Variants in RCC1 observed in about 807,000 individuals in gnomAD.
RCC1 encodes regulator of chromosome condensation 1.
Under a neutral mutation model 44.4 loss-of-function variants are expected in RCC1, and 11 were observed. The observed-to-expected ratio is 0.25, with a 90% confidence interval of 0.16 to 0.41. The LOEUF (loss-of-function observed/expected upper bound fraction) is 0.41, where lower values mean the gene tolerates loss of function less well. RCC1 is among the 10% of genes least tolerant of loss of function. RCC1 has a pLI of 1.00. For missense variants in RCC1, 386 were observed against 547.1 expected (o/e 0.71, Z 2.94); for synonymous variants, 213 against 216.5 (o/e 0.98, Z 0.14).
In RCC1 at chr1:28,532,792, G is replaced by A. The variant is rs1369717660; in HGVS notation, c.441+442G>A. On this transcript the variant is annotated intron_variant, in intron 7 of 12. Coordinates refer to ENST00000683442, the MANE Select transcript of RCC1 (RefSeq NM_001381865.2). ...AGTGTAGTTGAAAAAACAGATTGTG[G>A]GTTTTTGTTGTTGTTGTTGTTGTTG... The A allele has an allele frequency of 1.1e-5, 5 of 445,710 alleles. No homozygotes were observed. The East Asian group carries it at 2.1e-4, about 19-fold the overall frequency. The allele number at this position is 445,710 out of a possible 1,614,324, so 27.6% of individuals were successfully genotyped here. A position where few individuals can be genotyped will look rare whatever the true frequency, so the allele number is the denominator to read the frequency against.
chr1:28,518,773 G>A (rs944800900), intron 4 of RCC1: 4 of 151,982 alleles, frequency 2.6e-5, no homozygotes, highest in African/African-American at 9.7e-5. Flanking sequence ...GGAGCTCGAG[G>A]GTCTCCCGCT....
chr1:28,530,072 G>T lies in RCC1; in HGVS notation c.73+133G>T. 7 of 617,522 alleles carry T rather than the reference G, an allele frequency of 1.1e-5. No individual in the cohort carries two copies. In the South Asian group the frequency reaches 1.3e-4, roughly 12 times the overall value. The allele number at this position is 617,522 out of a possible 1,614,324, so 38.3% of individuals were successfully genotyped here. A position where few individuals can be genotyped will look rare whatever the true frequency, so the allele number is the denominator to read the frequency against. On this transcript the variant is annotated intron_variant, in intron 5 of 12. Coordinates refer to ENST00000683442, the MANE Select transcript of RCC1 (RefSeq NM_001381865.2). ...TGCAGAGACCCCACCCAGCTGGAAG[G>T]TTTCCTGTAGCTCATTGAATCCTAC...
intron 3 of RCC1, among the ~76,000 whole-genome samples, chr1:28,514,870 G>A (rs186394361): frequency 5.3e-3 from 809 of 151,882 alleles, no homozygotes; most frequent in Non-Finnish European, 6.5e-3. Context: ...GCGAGACTCC[G>A]TCTCGAAAAA....
At chr1:28,522,349 G>A (rs761200614) in intron 4 of RCC1, among the ~76,000 whole-genome samples, 5 of 152,132 alleles carry the variant, frequency 3.3e-5, no homozygotes, top group African/African-American at 1.2e-4. Context: ...GGGAAGAGAA[G>A]GGAGGATGTG....
chr1:28,511,689 TCTCA>T (rs1350768171), intron 3 of RCC1, among the ~76,000 whole-genome samples: 1 of 149,296 alleles, frequency 6.7e-6, no homozygotes, highest in Admixed American at 6.7e-5. Context: ...TGAGATCTAA[TCTCA>T]CTCTGTCTCC....
chr1:28,512,593 T>C (rs1311278481), intron 3 of RCC1, among the ~76,000 whole-genome samples: 1 of 152,190 alleles, frequency 6.6e-6, no homozygotes, highest in Non-Finnish European at 1.5e-5. Flanking sequence ...GCTGAGCTCA[T>C]TGATTGGAGA....
At chr1:28,518,474 C>G (rs1300453388) in intron 4 of RCC1, among the ~76,000 whole-genome samples, 1 of 150,604 alleles carries the variant, frequency 6.6e-6, no homozygotes, top group African/African-American at 2.4e-5. Flanking sequence ...AGGCGCGGTG[C>G]GGGCTCGCGA....
At chr1:28,507,815 C>G (rs1003191670) in intron 1 of RCC1, 3 of 333,242 alleles carry the variant, frequency 9.0e-6, no homozygotes, top group Non-Finnish European at 1.8e-5. Context: ...CCATGTTGGT[C>G]AGGCTGGTCT....
chr1:28,528,009 C>CAAAAA (rs56261878), intron 4 of RCC1, among the ~76,000 whole-genome samples: 14 of 97,608 alleles, frequency 1.4e-4, no homozygotes, highest in African/African-American at 4.8e-4. Context: ...AACTCTGCTT[C>CAAAAA]AAAAAAAAAA....
chr1:28,529,342 C>G (rs963333411), intron 4 of RCC1, among the ~76,000 whole-genome samples: 1 of 150,910 alleles, frequency 6.6e-6, no homozygotes, highest in African/African-American at 2.4e-5. Context: ...CATCACTGTG[C>G]CTGGCTAATT....
At chr1:28,534,863 G>A (rs375993179) in intron 7 of RCC1, among the ~76,000 whole-genome samples, 187 bp from the exon 8 acceptor site, 24 of 152,278 alleles carry the variant, frequency 1.6e-4, no homozygotes, top group African/African-American at 5.1e-4. Flanking sequence ...ATTTGCATCC[G>A]CTCTCTGACT....
intron 4 of RCC1, among the ~76,000 whole-genome samples, chr1:28,517,776 T>C (rs1485800056): frequency 1.3e-5 from 2 of 152,050 alleles, no homozygotes; most frequent in African/African-American, 4.8e-5. Context: ...TTCCCTGTCA[T>C]TGCAAACGTC....
chr1:28,506,464 C>T (rs967406366), intron 1 of RCC1: 9 of 321,654 alleles, frequency 2.8e-5, no homozygotes, highest in African/African-American at 9.0e-5. Flanking sequence ...GGATTACAGG[C>T]GTGAGCCACC....
chr1:28,517,492 TAAG>T (rs1475081932), intron 4 of RCC1, among the ~76,000 whole-genome samples: 2 of 152,200 alleles, frequency 1.3e-5, no homozygotes, highest in Admixed American at 6.6e-5. Context: ...TTGTAGCTCA[TAAG>T]AAGATGACTG....
At chr1:28,513,028 CT>C (rs1662660674) in intron 3 of RCC1, among the ~76,000 whole-genome samples, 1 of 151,652 alleles carries the variant, frequency 6.6e-6, no homozygotes, top group South Asian at 2.1e-4. Flanking sequence ...CCGCCTCGGC[CT>C]CCCAAAGTGC....
intron 3 of RCC1, among the ~76,000 whole-genome samples, chr1:28,513,832 A>C (rs1052445400): frequency 3.4e-5 from 5 of 148,778 alleles, no homozygotes; most frequent in African/African-American, 1.2e-4. Context: ...CAATCCTCCC[A>C]CCTTGGCCTC....
Position 28,536,351 on chromosome 1 carries a change from C to G in RCC1, c.907C>G (p.Gln303Glu). ...GTCCTGGGTGGGCTTCTCTGGTGGC[C>G]AGCACCATACAGTCTGCATGGATTC... ...TKSWVGFSGG[Q>E]HHTVCMDSEG... Residue 303 changes from glutamine to glutamate, a missense_variant, in exon 11 of 13, where the codon CAG (glutamine) becomes GAG (glutamate). By Grantham distance (29) the Gln-to-Glu change is conservative. Transcript: ENST00000683442. The surrounding 1 kb of genome is among the most constrained non-coding windows in gnomAD (Gnocchi z 4.9). The G allele has an allele frequency of 1.2e-6, 2 of 1,614,120 alleles. No individual in the cohort carries two copies. Among genetic ancestry groups the G allele is most frequent in the East Asian group, 4.5e-5 (2 of 44,870 alleles).
At chr1:28,524,204 T>G (rs1263883220) in intron 4 of RCC1, among the ~76,000 whole-genome samples, 1 of 152,234 alleles carries the variant, frequency 6.6e-6, no homozygotes, top group Admixed American at 6.5e-5. Flanking sequence ...GCACTTCAGA[T>G]TGAATGAAAA....
chr1:28,508,070 C>T, intron 1 of RCC1, 58 bp from the exon 2 acceptor site: 1 of 415,380 alleles, frequency 2.4e-6, no homozygotes, highest in South Asian at 1.7e-5. Flanking sequence ...GCATGAGGCC[C>T]CTCGTTGAAA....
Sources: gnomAD v4.1 joint callset for allele counts (sites outside exome capture counted in the v4.1 genomes callset) on GRCh38, gnomAD v4.1.1 for gene constraint, Gnocchi (gnomAD v3.1) non-coding constraint, MANE v1.5 for transcripts, NCBI Gene and HGNC (gene_info 2026-07-23, HGNC 2026-07-21) for gene names.